The following USP19 variants were observed in gnomAD, a reference collection of about 807,000 sequenced individuals.
USP19 encodes the protein ubiquitin carboxyl-terminal hydrolase 19.
Under a neutral mutation model 144.8 loss-of-function variants are expected in USP19, and 40 were observed. The ratio of observed to expected loss-of-function variants is 0.28; its 90% CI spans 0.21 to 0.36. USP19 has a LOEUF of 0.36. Ranked by LOEUF, USP19 falls within the 10% of genes least tolerant of loss-of-function variation. The probability of loss-of-function intolerance (pLI) is 1.00; values close to 1 mark genes in which losing one functional copy is unlikely to be tolerated. For synonymous variants in USP19, 701 were observed against 709.3 expected, an observed-to-expected ratio of 0.99 and a Z score of 0.19; for missense variants, 1,518 against 1,822.5, an observed-to-expected ratio of 0.83 and a Z score of 3.04.
rs964964611 is a variant in USP19 at position 49,108,200 on chromosome 3, C to T, written c.*212G>A. 1.7e-5 allele frequency: 4 copies of T among 232,220 alleles called. No homozygotes were observed. In the East Asian group the frequency reaches 3.4e-4, roughly 20 times the overall value. 14.4% of individuals were successfully genotyped at this position (232,220 alleles called of 1,614,324 possible). A position where few individuals can be genotyped will look rare whatever the true frequency, so the allele number is the denominator to read the frequency against. On this transcript the variant is annotated 3_prime_UTR_variant, in exon 27 of 27. Transcript: ENST00000417901. This position sits in a 1 kb window ranked among gnomAD's most constrained non-coding sequence, Gnocchi z 4.8. ...GGTACAACAGAATCAAATCACGCAG[C>T]ACTGGAGGCGGCTGGAGAAGCCAAA...
In USP19 at chr3:49,117,221, C is replaced by T. The variant is rs1321296514; in HGVS notation, c.747G>A (p.Gln249=). Reference sequence around the variant, plus strand: ...CCCCTGCGCCTACCTCACCACGGCCCTGGGCCCGCTTCTGGTTCCGGGCCT... The same window carrying T: ...CCCCTGCGCCTACCTCACCACGGCCTTGGGCCCGCTTCTGGTTCCGGGCCT... The part of the protein sequence containing the change: ...KQEARNQKRA[Q]GRGEVGAGAG... The change falls in exon 6 of 27, where the codon CAG becomes CAA. Residue 249 remains glutamine (Q), a synonymous_variant. Coordinates refer to ENST00000417901, the MANE Select transcript of USP19 (RefSeq NM_001199161.2). The surrounding 1 kb of genome is among the most constrained non-coding windows in gnomAD (Gnocchi z 4.4). 6.5e-7 allele frequency: 1 copy of T among 1,549,086 alleles called. No homozygotes were observed. Among genetic ancestry groups the T allele is most frequent in the Middle Eastern group, 1.7e-4 (1 of 5,970 alleles).
Position 49,111,508 on chromosome 3 carries a change from C to A in USP19, c.3209G>T (p.Arg1070Leu). ...CTTTCACTGGATCTTACCTTCGGGT[C>A]GGGACACCCTCTCGCCAGCTGGCAA... ...GSLPAGERVS[R>L]PEAAVPGYQH... The change falls in exon 21 of 27, where the codon CGA becomes CTA. Residue 1070 changes from arginine to leucine, a missense_variant. Around this residue, in one of 5 missense-constraint regions of USP19, gnomAD observed 413 missense variants for 515.8 expected, o/e 0.80. Coordinates refer to ENST00000417901, the MANE Select transcript of USP19 (RefSeq NM_001199161.2). This position sits in a 1 kb window ranked among gnomAD's most constrained non-coding sequence, Gnocchi z 5.9. The A allele has an allele frequency of 6.2e-7, 1 of 1,611,286 alleles. No homozygotes were observed. The highest frequency in any genetic ancestry group is 8.5e-7 in the Non-Finnish European group (1 of 1,179,766).
Position 49,115,721 on chromosome 3 carries a change from C to CA in USP19, c.1692+2dup. 5 of 1,608,562 alleles carry CA rather than the reference C, an allele frequency of 3.1e-6. No individual in the cohort carries two copies. Among genetic ancestry groups the CA allele is most frequent in the Non-Finnish European group, 4.3e-6 (5 of 1,175,896 alleles). ...TTCGTCCTTCCCACCCCAGAATTCT[C>CA]ACCGAGGCCAGGTGTGTCTCTGGCT... On this transcript the variant is annotated splice_region_variant and intron_variant, in intron 11 of 26. Transcript: ENST00000417901. This position sits in a 1 kb window ranked among gnomAD's most constrained non-coding sequence, Gnocchi z 6.6.
At position 49,108,637 on chromosome 3, in the gene USP19, C is replaced by T. The variant is rs948556073; in HGVS notation, c.4039-109G>A. 3.2e-6 allele frequency: 4 copies of T among 1,255,554 alleles called. No individual in the cohort carries two copies. Among genetic ancestry groups the T allele is most frequent in the South Asian group, 2.7e-5 (1 of 36,980 alleles). 77.8% of individuals were successfully genotyped at this position (1,255,554 alleles called of 1,614,324 possible). On this transcript the variant is annotated intron_variant, in intron 26 of 26. Transcript: ENST00000417901. The surrounding 1 kb of genome is among the most constrained non-coding windows in gnomAD (Gnocchi z 4.8). ...ACCCAAGGGAGGGTCCCAAGGCAGG[C>T]GCAGACAGCAGCGGCGTTGAGACAG...
At position 49,111,954 on chromosome 3, in the gene USP19, G is replaced by A. The variant is rs747637553; in HGVS notation, c.2860C>T (p.Leu954Phe). The change falls in exon 20 of 27, where the codon CTC (leucine) becomes TTC (phenylalanine). Residue 954 changes from leucine to phenylalanine, a missense_variant. By Grantham distance (22) the Leu-to-Phe change is conservative. Transcript: ENST00000417901. The surrounding 1 kb of genome is among the most constrained non-coding windows in gnomAD (Gnocchi z 5.9). ...AACTGAGCGAGGCGGGCATAAGTGAGGCGTGAGGCAGGTACACTGACCAGG... is the reference window on the plus strand; with the variant it reads ...AACTGAGCGAGGCGGGCATAAGTGAAGCGTGAGGCAGGTACACTGACCAGG... ...PFLVSVPASR[L>F]TYARLAQLLE... The A allele has an allele frequency of 1.3e-5, 21 of 1,613,994 alleles. No homozygotes were observed. The South Asian group carries it at 2.3e-4, about 18-fold the overall frequency.
In USP19 at chr3:49,116,987, C is replaced by G; in HGVS notation, c.910-44G>C. 1 of 1,588,038 alleles carries G rather than the reference C, an allele frequency of 6.3e-7. No individual in the cohort carries two copies. Among genetic ancestry groups the G allele is most frequent in the Non-Finnish European group, 8.6e-7 (1 of 1,165,400 alleles). On this transcript the variant is annotated intron_variant, in intron 6 of 26. Coordinates refer to ENST00000417901, the MANE Select transcript of USP19 (RefSeq NM_001199161.2). This position sits in a 1 kb window ranked among gnomAD's most constrained non-coding sequence, Gnocchi z 5.0. ...TGGAAAGAATCAGCCCTGGGTCTGC[C>G]AGGTGGCTCCCACTCCAGTGCACAC...
Position 49,119,200 on chromosome 3 carries a change from G to T in USP19, c.-55C>A. ...CCCCGGGGTCGGCAACAGCGTCTGG[G>T]TCAGGGCTGCGGCGCTTTCTTCCTG... On this transcript the variant is annotated 5_prime_UTR_variant, in exon 2 of 27. Transcript: ENST00000417901. The T allele has an allele frequency of 6.4e-7, 1 of 1,574,340 alleles. No homozygotes were observed.
chr3:49,112,192 C>T lies in USP19; in HGVS notation c.2765+92G>A. The T allele has an allele frequency of 6.5e-7, 1 of 1,546,098 alleles. No homozygotes were observed. Among genetic ancestry groups the T allele is most frequent in the Non-Finnish European group, 8.7e-7 (1 of 1,144,312 alleles). ...GTAAAGTAGGGTGGCAAGTAGAAAG[C>T]TTAAGCATATGTGCCTTGGTGTGAA... On this transcript the variant is annotated intron_variant, in intron 19 of 26. Coordinates refer to ENST00000417901, the MANE Select transcript of USP19 (RefSeq NM_001199161.2). This position sits in a 1 kb window ranked among gnomAD's most constrained non-coding sequence, Gnocchi z 4.9.
At position 49,111,549 on chromosome 3, in the gene USP19, G is replaced by A. The variant is rs773043423; in HGVS notation, c.3168C>T (p.Pro1056=). ...CAGCTGGCAAGGAGCCAACCTCAAT[G>A]GGCCCACTGGCCAGCATCTCAGAAG... is the stretch of plus-strand genomic sequence containing the variant. ...GISSEMLASG[P]IEVGSLPAGE... is the part of the protein sequence containing the mutation. The change falls in exon 21 of 27, where the codon CCC becomes CCT. Residue 1056 remains proline (P), a synonymous_variant. Coordinates refer to ENST00000417901, the MANE Select transcript of USP19 (RefSeq NM_001199161.2). The surrounding 1 kb of genome is among the most constrained non-coding windows in gnomAD (Gnocchi z 5.9). 1.9e-6 allele frequency: 3 copies of A among 1,612,618 alleles called. No homozygotes were observed. The highest frequency in any genetic ancestry group is 2.5e-6 in the Non-Finnish European group (3 of 1,180,030).
Position 49,111,825 on chromosome 3 carries a change from GAAC to G in USP19, c.2904-15_2904-13del. The G allele has an allele frequency of 1.3e-6, 2 of 1,577,418 alleles. No homozygotes were observed. The highest frequency in any genetic ancestry group is 4.5e-5 in the East Asian group (2 of 44,498). ...CACTCACAGAGTACCTGGCAACAGAGAACAACGCAAGTAAGACTCCTGACCAGC... is the reference window on the plus strand; with the variant it reads ...CACTCACAGAGTACCTGGCAACAGAGAACGCAAGTAAGACTCCTGACCAGC... On this transcript the variant is annotated splice_polypyrimidine_tract_variant and intron_variant, in intron 20 of 26. Coordinates refer to ENST00000417901, the MANE Select transcript of USP19 (RefSeq NM_001199161.2). This position sits in a 1 kb window ranked among gnomAD's most constrained non-coding sequence, Gnocchi z 5.9.
chr3:49,114,946 C>G lies in USP19; in HGVS notation c.2181+13G>C. ...CTCATGAGACATGCCCACCCTCTGT[C>G]CCTAACCCTGACCTCATCGGGCCGC... On this transcript the variant is annotated intron_variant, in intron 14 of 26. Transcript: ENST00000417901. This position sits in a 1 kb window ranked among gnomAD's most constrained non-coding sequence, Gnocchi z 4.5. 6.2e-7 allele frequency: 1 copy of G among 1,614,196 alleles called. No individual in the cohort carries two copies. The highest frequency in any genetic ancestry group is 8.5e-7 in the Non-Finnish European group (1 of 1,180,028).
Position 49,111,777 on chromosome 3 carries a change from T to C in USP19, c.2940A>G (p.Pro980=). 1 of 1,554,646 alleles carries C rather than the reference T, an allele frequency of 6.4e-7. No homozygotes were observed. Among genetic ancestry groups the C allele is most frequent in the Non-Finnish European group, 8.7e-7 (1 of 1,148,892 alleles). Residue 980 remains proline, a synonymous_variant, in exon 21 of 27, where the codon CCA becomes CCG. Coordinates refer to ENST00000417901, the MANE Select transcript of USP19 (RefSeq NM_001199161.2). The surrounding 1 kb of genome is among the most constrained non-coding windows in gnomAD (Gnocchi z 5.9). ...SVSVFQPPFQ[P]GRMALESQSP... ...TCTGAGACTCCAAGGCCATGCGGCC[T>C]GGCTGAAAGGGTGGCTGGAATACAC...
Position 49,108,771 on chromosome 3 carries a change from T to G in USP19, c.4039-243A>C, listed in dbSNP as rs930423843. 2.8e-6 allele frequency: 4 copies of G among 1,407,960 alleles called. No individual in the cohort carries two copies. Among genetic ancestry groups the G allele is most frequent in the Non-Finnish European group, 3.7e-6 (4 of 1,085,502 alleles). 87.2% of individuals were successfully genotyped at this position (1,407,960 alleles called of 1,614,324 possible). On this transcript the variant is annotated intron_variant, in intron 26 of 26. Coordinates refer to ENST00000417901, the MANE Select transcript of USP19 (RefSeq NM_001199161.2). The surrounding 1 kb of genome is among the most constrained non-coding windows in gnomAD (Gnocchi z 4.8). ...CCAAGGGTCAGAGCAGCAGGATGAA[T>G]GGACAGACAGCCAGATGGATACACA... is the stretch of plus-strand genomic sequence containing the variant.
In USP19 at chr3:49,114,213, G is replaced by A. The variant is rs745740113; in HGVS notation, c.2364C>T (p.Val788=). The stretch of plus-strand genomic sequence containing the variant: ...TGTGGGGCTCTCGGGCAAAATAAAA[G>A]ACAGGGAGAACCTTTTGCTTTTGTG... The part of the protein sequence containing the change: ...PLPQKQKVLP[V]FYFAREPHSK... Residue 788 remains valine, a synonymous_variant, in exon 16 of 27, where the codon GTC becomes GTT. Transcript: ENST00000417901. This position sits in a 1 kb window ranked among gnomAD's most constrained non-coding sequence, Gnocchi z 4.5. 7 of 1,614,226 alleles carry A rather than the reference G, an allele frequency of 4.3e-6. 1 individual carries two copies. The highest frequency in any genetic ancestry group is 2.2e-5 in the South Asian group (2 of 91,086).
chr3:49,113,404 G>A (rs1333405498), intron 17 of USP19, among the ~76,000 whole-genome samples: 1 of 151,720 alleles, frequency 6.6e-6, no homozygotes, highest in African/African-American at 2.4e-5. Context: ...AGCCTCCTGA[G>A]CAGCTGGGAC....
In USP19 at chr3:49,114,756, A is replaced by G. The variant is rs114570156; in HGVS notation, c.2292+7T>C. ...AGGGGGTCTCTTTCCAGGGGAGCCC[A>G]TCACACCTTGGCACACACAGGGCAC... On this transcript the variant is annotated splice_region_variant and intron_variant, in intron 15 of 26. Coordinates refer to ENST00000417901, the MANE Select transcript of USP19 (RefSeq NM_001199161.2). This position sits in a 1 kb window ranked among gnomAD's most constrained non-coding sequence, Gnocchi z 4.5. 7.4e-3 allele frequency: 11,944 copies of G among 1,614,054 alleles called. 63 individuals carry two copies. Among genetic ancestry groups the G allele is most frequent in the African/African-American group, 0.028 (2,072 of 75,032 alleles).
Position 49,115,847 on chromosome 3 carries a change from C to T in USP19, c.1569G>A (p.Glu523=). 2 of 1,610,736 alleles carry T rather than the reference C, an allele frequency of 1.2e-6. No individual in the cohort carries two copies. Among genetic ancestry groups the T allele is most frequent in the African/African-American group, 2.7e-5 (2 of 74,814 alleles). ...GGAPHPLTGQ[E]EARAVEKDKS... Reference sequence around the variant, plus strand: ...TATCCTTCTCCACAGCCCGGGCCTCCTCCTGGCCTGTCAGGGGGTGGGGAG... The same window carrying T: ...TATCCTTCTCCACAGCCCGGGCCTCTTCCTGGCCTGTCAGGGGGTGGGGAG... Residue 523 remains glutamate (E), a synonymous_variant, in exon 11 of 27, where the codon GAG becomes GAA. Transcript: ENST00000417901. The surrounding 1 kb of genome is among the most constrained non-coding windows in gnomAD (Gnocchi z 6.6).
chr3:49,111,155 G>C lies in USP19; in HGVS notation c.3340C>G (p.Leu1114Val). The C allele has an allele frequency of 6.2e-7, 1 of 1,613,866 alleles. No homozygotes were observed. The highest frequency in any genetic ancestry group is 8.5e-7 in the Non-Finnish European group (1 of 1,180,034). ...QRLEDKGDTPLELGDDCSLAL... is the reference protein window; with the variant it reads ...QRLEDKGDTPVELGDDCSLAL... Reference sequence around the variant, plus strand: ...AGGCTACAGTCGTCACCCAGCTCCAGTGGGGTGTCTCCTGGAGATTCGCAG... The same window carrying C: ...AGGCTACAGTCGTCACCCAGCTCCACTGGGGTGTCTCCTGGAGATTCGCAG... Residue 1114 changes from leucine to valine, a missense_variant, in exon 23 of 27, where the codon CTG (leucine) becomes GTG (valine). Coordinates refer to ENST00000417901, the MANE Select transcript of USP19 (RefSeq NM_001199161.2). This position sits in a 1 kb window ranked among gnomAD's most constrained non-coding sequence, Gnocchi z 5.9.
intron 17 of USP19, 115 bp downstream of exon 17, chr3:49,113,877 A>C (rs1055381045): frequency 5.3e-6 from 6 of 1,131,352 alleles, no homozygotes; most frequent in Non-Finnish European, 7.7e-6. Flanking sequence ...TACAGGCATG[A>C]GCCACTGTGC....
Sources: gnomAD v4.1 joint callset for allele counts (sites outside exome capture counted in the v4.1 genomes callset) on GRCh38, gnomAD v4.1.1 for gene constraint, gnomAD v4.1.1 regional missense constraint, Gnocchi (gnomAD v3.1) non-coding constraint, MANE v1.5 for transcripts, NCBI Gene and HGNC (gene_info 2026-07-23, HGNC 2026-07-21) for gene names.